The following TVP23C variants were observed in gnomAD, a reference collection of about 807,000 sequenced individuals.
TVP23C encodes the protein Golgi apparatus membrane protein TVP23 homolog C.
In TVP23C, 19 loss-of-function variants were observed where a neutral mutation model predicts 28.7. That is an observed-to-expected ratio of 0.66 (90% confidence interval 0.46 to 0.97). The LOEUF (loss-of-function observed/expected upper bound fraction) is 0.97. TVP23C is among the 50% of genes least tolerant of loss of function. The pLI is 0.00. For missense variants in TVP23C, 186 were observed against 241.3 expected (o/e 0.77, Z 1.52); for synonymous variants, 68 against 81.7 (o/e 0.83, Z 0.90).
At chr17:15,502,964 G>C in exon 6 of TVP23C, 1 of 1,614,176 alleles carries the variant, frequency 6.2e-7, no homozygotes. Context: ...AAGCCGCAAG[G>C]AGAGAAATAG....
intron 5 of TVP23C, among the ~76,000 whole-genome samples, chr17:15,544,229 A>G (rs1482172121): frequency 1.3e-5 from 2 of 152,224 alleles, no homozygotes; most frequent in Non-Finnish European, 2.9e-5. Context: ...TCATCATTTA[A>G]GAATAGTCAA....
intron 1 of TVP23C, among the ~76,000 whole-genome samples, chr17:15,559,756 TGAC>T (rs1287222098): frequency 1.4e-5 from 1 of 73,678 alleles, no homozygotes; most frequent in African/African-American, 8.4e-5. Flanking sequence ...GCTGATGGAC[TGAC>T]TGACTGGGGA....
chr17:15,541,770 C>T (rs1983420903), intron 5 of TVP23C, among the ~76,000 whole-genome samples: 1 of 152,000 alleles, frequency 6.6e-6, no homozygotes, highest in African/African-American at 2.4e-5. Context: ...GTGCTAGTTT[C>T]CTAAATAAAT....
At chr17:15,545,219 C>T (rs1408010742) in intron 5 of TVP23C, among the ~76,000 whole-genome samples, 3 of 152,140 alleles carry the variant, frequency 2.0e-5, no homozygotes, top group African/African-American at 4.8e-5. Flanking sequence ...AGCTAGAACA[C>T]CCCACAAGTG....
At chr17:15,534,011 C>CA (rs1983050575), downstream of TVP23C, among the ~76,000 whole-genome samples, 1 of 152,228 alleles carries the variant, frequency 6.6e-6, no homozygotes, top group African/African-American at 2.4e-5. Flanking sequence ...CCACCACACT[C>CA]AGAGTGGCCT....
At chr17:15,554,519 G>A (rs1179673422) in intron 2 of TVP23C, among the ~76,000 whole-genome samples, 2 of 152,208 alleles carry the variant, frequency 1.3e-5, no homozygotes, top group Non-Finnish European at 2.9e-5. Context: ...TTACAGGCGT[G>A]AGCCATCGCG....
chr17:15,506,802 A>G (rs1320680396), intron 5 of TVP23C: 25 of 525,514 alleles, frequency 4.8e-5, no homozygotes, highest in Non-Finnish European at 8.5e-5. Flanking sequence ...ACTCACCGCG[A>G]GGGTCCGCGG....
chr17:15,509,443 C>T (rs930360553), intron 5 of TVP23C, among the ~76,000 whole-genome samples: 3 of 152,250 alleles, frequency 2.0e-5, no homozygotes, highest in African/African-American at 7.2e-5. Context: ...TGAATATCAG[C>T]GCTGACCGCA....
At chr17:15,526,515 A>G (rs1448616504) in intron 5 of TVP23C, among the ~76,000 whole-genome samples, 2 of 152,292 alleles carry the variant, frequency 1.3e-5, no homozygotes, top group Non-Finnish European at 2.9e-5. Context: ...TCTCTGGTAC[A>G]TTGTGGGTAT....
intron 5 of TVP23C, among the ~76,000 whole-genome samples, chr17:15,523,580 A>C (rs1299896520): frequency 6.6e-6 from 1 of 150,954 alleles, no homozygotes; most frequent in Non-Finnish European, 1.5e-5. Context: ...AAGTGCTGAG[A>C]TTACAGGCAT....
At chr17:15,524,550 G>A (rs1175639646) in intron 5 of TVP23C, among the ~76,000 whole-genome samples, 1 of 152,158 alleles carries the variant, frequency 6.6e-6, no homozygotes, top group Non-Finnish European at 1.5e-5. Context: ...TCAAATAGGA[G>A]GCGACGCCAT....
At chr17:15,535,752 T>C (rs543439379), downstream of TVP23C, among the ~76,000 whole-genome samples, 4 of 152,306 alleles carry the variant, frequency 2.6e-5, no homozygotes, top group African/African-American at 4.8e-5. Flanking sequence ...GTTAGTACAA[T>C]ATGGAAAGTT....
chr17:15,538,604 A>G lies in TVP23C; in HGVS notation c.*1808T>C. On this transcript the variant is annotated 3_prime_UTR_variant, in exon 6 of 6. Transcript: ENST00000518321. Reference sequence around the variant, plus strand: ...AGACTCTGTCTCAAAAAAAATAAATAAATAAAAAAGTAGACATGCGCTAAT... The same window carrying G: ...AGACTCTGTCTCAAAAAAAATAAATGAATAAAAAAGTAGACATGCGCTAAT... The G allele has an allele frequency of 1.0e-6, 1 of 984,436 alleles. No homozygotes were observed. Among genetic ancestry groups the G allele is most frequent in the Non-Finnish European group, 1.2e-6 (1 of 829,112 alleles). 61.0% of individuals were successfully genotyped at this position (984,436 alleles called of 1,614,324 possible). A position where few individuals can be genotyped will look rare whatever the true frequency, so the allele number is the denominator to read the frequency against.
At chr17:15,520,387 T>C (rs1982422715) in intron 5 of TVP23C, among the ~76,000 whole-genome samples, 1 of 148,988 alleles carries the variant, frequency 6.7e-6, no homozygotes, top group Middle Eastern at 3.4e-3. Flanking sequence ...GTTCCCTTTT[T>C]TGGGTCATCT....
At chr17:15,541,168 A>G (rs953075076) in intron 5 of TVP23C, among the ~76,000 whole-genome samples, 1 of 152,206 alleles carries the variant, frequency 6.6e-6, no homozygotes, top group Non-Finnish European at 1.5e-5. Context: ...ACCTATGGTG[A>G]TCCCACTAGG....
chr17:15,532,579 T>G (rs1457222480), downstream of TVP23C, among the ~76,000 whole-genome samples: 2 of 152,162 alleles, frequency 1.3e-5, no homozygotes, highest in Non-Finnish European at 2.9e-5. Context: ...AAAGTCAGCT[T>G]TTTTCTCAAA....
chr17:15,536,332 T>C (rs1315265626), downstream of TVP23C, among the ~76,000 whole-genome samples: 3 of 152,300 alleles, frequency 2.0e-5, no homozygotes, highest in East Asian at 1.9e-4. Context: ...GTTTCTGCTA[T>C]TGTGTCTACC....
At chr17:15,534,715 T>A (rs1244338493), downstream of TVP23C, among the ~76,000 whole-genome samples, 1 of 151,490 alleles carries the variant, frequency 6.6e-6, no homozygotes, top group Non-Finnish European at 1.5e-5. Flanking sequence ...ACACCTGTAA[T>A]CCCAGCACTT....
intron 5 of TVP23C, among the ~76,000 whole-genome samples, chr17:15,523,690 T>C (rs1567634559): frequency 1.3e-5 from 2 of 151,214 alleles, no homozygotes; most frequent in African/African-American, 4.9e-5. Flanking sequence ...CTCGGCTCAC[T>C]GCCAGCTCCG....
Sources: gnomAD v4.1 joint callset for allele counts (sites outside exome capture counted in the v4.1 genomes callset) on GRCh38, gnomAD v4.1.1 for gene constraint, MANE v1.5 for transcripts, NCBI Gene and HGNC (gene_info 2026-07-23, HGNC 2026-07-21) for gene names.